CSMD1: variants seen among roughly 807,000 people sequenced by gnomAD.
The protein encoded by CSMD1 is CUB and Sushi multiple domains 1.
CSMD1 carries 213 observed loss-of-function variants against 417.5 expected under a neutral mutation model. That is an observed-to-expected ratio of 0.51 (90% CI 0.46 to 0.57). CSMD1 has a LOEUF of 0.57. Among genes scored for constraint, CSMD1 ranks in the 20% least tolerant of loss-of-function variants. CSMD1 has a pLI of 0.00. For synonymous variants in CSMD1, 2,862 were observed against 1,736.8 expected (o/e 1.65, Z -16.11); for missense variants, 6,923 against 4,529.7 (o/e 1.53, Z -15.17).
intron 1 of CSMD1, among the ~76,000 whole-genome samples, chr8:4,645,644 G>A (rs905798651): frequency 5.9e-5 from 9 of 152,008 alleles, no homozygotes; most frequent in East Asian, 3.9e-4. Context: ...AAGAGATGTC[G>A]AAGGTAGGAA....
chr8:3,085,418 T>C lies in CSMD1; in HGVS notation c.7474+1679A>G, dbSNP rs371735718. Among the ~76,000 whole-genome samples, 21 of 152,350 alleles carry C rather than the reference T, an allele frequency of 1.4e-4. No individual in the cohort carries two copies. The South Asian group carries it at 2.7e-3, about 20-fold the overall frequency. Reference sequence around the variant, plus strand: ...AGAACAAAGTCGTGTAAGTTATTTATTGCCAAGAATAAATCTGAAGGAAGG... The same window carrying C: ...AGAACAAAGTCGTGTAAGTTATTTACTGCCAAGAATAAATCTGAAGGAAGG... On this transcript the variant is annotated intron_variant, in intron 49 of 69. Transcript: ENST00000635120.
intron 3 of CSMD1, among the ~76,000 whole-genome samples, chr8:4,322,190 T>G (rs1168770856): frequency 6.6e-6 from 1 of 152,252 alleles, no homozygotes; most frequent in Non-Finnish European, 1.5e-5. Context: ...TTTAACAATT[T>G]CCTTTCACTC....
intron 21 of CSMD1, among the ~76,000 whole-genome samples, chr8:3,351,216 T>C (rs1410550816): frequency 6.6e-6 from 1 of 152,200 alleles, no homozygotes; most frequent in Non-Finnish European, 1.5e-5. Context: ...CACTTAAATG[T>C]ACAAAGGTAG....
At chr8:3,879,295 T>C (rs1023005189) in intron 5 of CSMD1, among the ~76,000 whole-genome samples, 1 of 152,076 alleles carries the variant, frequency 6.6e-6, no homozygotes, top group Non-Finnish European at 1.5e-5. Flanking sequence ...ATCAAATGTA[T>C]GTCAAAAATG....
chr8:4,407,370 A>T (rs1805103680), intron 3 of CSMD1, among the ~76,000 whole-genome samples: 1 of 152,130 alleles, frequency 6.6e-6, no homozygotes, highest in Non-Finnish European at 1.5e-5. Flanking sequence ...TTTTACTATG[A>T]CTCTTGTTTA....
chr8:3,058,716 T>A (rs751665471), intron 49 of CSMD1, among the ~76,000 whole-genome samples: 1 of 151,792 alleles, frequency 6.6e-6, no homozygotes, highest in Non-Finnish European at 1.5e-5. Flanking sequence ...TCTACTTTTC[T>A]AACAGGCTGC....
At chr8:4,636,888 A>G (rs891950245) in intron 2 of CSMD1, among the ~76,000 whole-genome samples, 3 of 152,142 alleles carry the variant, frequency 2.0e-5, no homozygotes, top group East Asian at 1.9e-4. Flanking sequence ...AAATGCACCA[A>G]TCAGCACTCT....
At chr8:3,713,304 A>C (rs916040872) in intron 6 of CSMD1, among the ~76,000 whole-genome samples, 6 of 152,202 alleles carry the variant, frequency 3.9e-5, no homozygotes, top group Admixed American at 1.3e-4. Flanking sequence ...GTTGTTTGAA[A>C]ATGTGACGAA....
chr8:4,606,584 G>C (rs748975021), intron 2 of CSMD1, among the ~76,000 whole-genome samples: 8 of 152,186 alleles, frequency 5.3e-5, no homozygotes, highest in African/African-American at 1.9e-4. Context: ...CAAGGACCAG[G>C]TAATGAGGGA....
At position 3,600,464 on chromosome 8, in the gene CSMD1, C is replaced by T. The variant is rs768532697; in HGVS notation, c.1098-14204G>A. On this transcript the variant is annotated intron_variant, in intron 8 of 69. Transcript: ENST00000635120. ...AGTTCTCAGCAAGGGTCAAGTGTAT[C>T]AGAATCATTCAGGGTTGATTGGAAA... is the stretch of plus-strand genomic sequence containing the variant. Among the ~76,000 whole-genome samples, 69 of 152,156 alleles carry T rather than the reference C, an allele frequency of 4.5e-4. 1 individual carries two copies. The highest frequency in any genetic ancestry group is 3.9e-4 in the Admixed American group (6 of 15,274).
intron 5 of CSMD1, among the ~76,000 whole-genome samples, chr8:3,763,904 C>A (rs1236663013): frequency 3.3e-5 from 5 of 152,134 alleles, no homozygotes; most frequent in African/African-American, 4.8e-5. Context: ...GCCTTATCTC[C>A]TTATCTTAAT....
intron 3 of CSMD1, among the ~76,000 whole-genome samples, chr8:4,285,254 T>C (rs1796999221): frequency 6.6e-6 from 1 of 152,202 alleles, no homozygotes; most frequent in Non-Finnish European, 1.5e-5. Context: ...GCAGGCCGAC[T>C]GTAGCCTTAA....
At chr8:3,725,057 G>C (rs1563313324) in intron 6 of CSMD1, among the ~76,000 whole-genome samples, 1 of 152,208 alleles carries the variant, frequency 6.6e-6, no homozygotes, top group Non-Finnish European at 1.5e-5. Context: ...GACGACTAGA[G>C]GAGTGAGGCA....
At chr8:3,088,254 C>T (rs576996627) in intron 48 of CSMD1, among the ~76,000 whole-genome samples, 1 of 152,332 alleles carries the variant, frequency 6.6e-6, no homozygotes, top group South Asian at 2.1e-4. Flanking sequence ...CTTGCTTCAT[C>T]TGCACAAGGC....
chr8:4,198,424 A>C (rs565561122), intron 3 of CSMD1, among the ~76,000 whole-genome samples: 1 of 152,210 alleles, frequency 6.6e-6, no homozygotes, highest in Non-Finnish European at 1.5e-5. Context: ...GGCAATATAG[A>C]TAAGCCATAC....
chr8:4,849,606 C>A (rs570866400), intron 1 of CSMD1, among the ~76,000 whole-genome samples: 3 of 152,040 alleles, frequency 2.0e-5, no homozygotes, highest in Non-Finnish European at 4.4e-5. Context: ...ATTTTAGTGA[C>A]CTTTTCTATT....
intron 3 of CSMD1, among the ~76,000 whole-genome samples, chr8:4,164,551 C>A (rs545788880): frequency 6.6e-6 from 1 of 152,072 alleles, no homozygotes; most frequent in Non-Finnish European, 1.5e-5. Context: ...GTTGTATAAG[C>A]CACCAAGCCC....
At chr8:3,302,920 C>G (rs952735957) in intron 25 of CSMD1, among the ~76,000 whole-genome samples, 4 of 152,292 alleles carry the variant, frequency 2.6e-5, no homozygotes, top group South Asian at 4.1e-4. Flanking sequence ...TCCTCTGACT[C>G]AGGCTCTCCT....
chr8:4,953,005 C>A (rs1232108594), intron 1 of CSMD1, among the ~76,000 whole-genome samples: 1 of 152,072 alleles, frequency 6.6e-6, no homozygotes, highest in Admixed American at 6.6e-5. Flanking sequence ...CATACTTATA[C>A]TAAAGGTTTT....
Sources: gnomAD v4.1 joint callset for allele counts (sites outside exome capture counted in the v4.1 genomes callset) on GRCh38, gnomAD v4.1.1 for gene constraint, MANE v1.5 for transcripts, NCBI Gene and HGNC (gene_info 2026-07-23, HGNC 2026-07-21) for gene names.